The following ST3GAL3 variants were observed in gnomAD, a reference collection of about 807,000 sequenced individuals.
ST3GAL3 encodes CMP-N-acetylneuraminate-beta-1,4-galactoside alpha-2,3-sialyltransferase.
A neutral mutation model predicts 50.1 loss-of-function variants in ST3GAL3; 21 were observed. The ratio of observed to expected loss-of-function variants is 0.42; its 90% CI spans 0.30 to 0.60. The LOEUF is 0.60. Among genes scored for constraint, ST3GAL3 ranks in the 20% least tolerant of loss-of-function variants. The probability of loss-of-function intolerance (pLI) is 0.19; values close to 1 mark genes in which losing one functional copy is unlikely to be tolerated. For missense variants in ST3GAL3, 353 were observed against 489.4 expected, an observed-to-expected ratio of 0.72 and a Z score of 2.63; for synonymous variants, 183 against 190.0, an observed-to-expected ratio of 0.96 and a Z score of 0.30.
At chr1:43,900,284 A>G (rs909916242) in intron 9 of ST3GAL3, among the ~76,000 whole-genome samples, 5 of 152,112 alleles carry the variant, frequency 3.3e-5, no homozygotes, top group African/African-American at 1.2e-4. Context: ...TCCACTTTGT[A>G]CTTTTACCAC....
intron 5 of ST3GAL3, among the ~76,000 whole-genome samples, chr1:43,852,455 A>G (rs920728455): frequency 2.0e-5 from 3 of 152,220 alleles, no homozygotes; most frequent in Admixed American, 6.5e-5. Context: ...TATTGTGTAT[A>G]TAACTATTGG....
At chr1:43,709,262 A>G (rs1232915218) in intron 1 of ST3GAL3, 1 of 152,272 alleles carries the variant, frequency 6.6e-6, no homozygotes, top group Non-Finnish European at 1.5e-5. Flanking sequence ...GGTTGATGGC[A>G]TTAATCCAAG....
chr1:43,826,897 A>G (rs1319839341), intron 4 of ST3GAL3, among the ~76,000 whole-genome samples: 1 of 152,210 alleles, frequency 6.6e-6, no homozygotes, highest in Admixed American at 6.5e-5. Context: ...TCCAATACCT[A>G]TTCATGATTT....
In ST3GAL3 at chr1:43,866,340, G is replaced by T. The variant is rs538501925; in HGVS notation, c.302+28029G>T. ...ACACCTGTAATCCCTGCACTATAAGGCTGAGGCAGGCCGATCACTTGAGCC... is the reference window on the plus strand; with the variant it reads ...ACACCTGTAATCCCTGCACTATAAGTCTGAGGCAGGCCGATCACTTGAGCC... On this transcript the variant is annotated intron_variant, in intron 5 of 11. Transcript: ENST00000347631. Among the ~76,000 whole-genome samples, 5 of 152,224 alleles carry T rather than the reference G, an allele frequency of 3.3e-5. No individual in the cohort carries two copies. In the East Asian group the frequency reaches 7.7e-4, roughly 24 times the overall value.
chr1:43,746,173 A>G (rs552496818), intron 2 of ST3GAL3, among the ~76,000 whole-genome samples: 2 of 152,334 alleles, frequency 1.3e-5, no homozygotes, highest in South Asian at 2.1e-4. Flanking sequence ...ATTTTGACAC[A>G]TGCTGCAGCA....
intron 1 of ST3GAL3, among the ~76,000 whole-genome samples, chr1:43,724,008 T>G (rs16831096): frequency 6.6e-6 from 1 of 152,160 alleles, no homozygotes; most frequent in Non-Finnish European, 1.5e-5. Flanking sequence ...TGGGGATATC[T>G]GCAGAATGAG....
chr1:43,903,851 C>T (rs925759191), intron 9 of ST3GAL3, among the ~76,000 whole-genome samples: 1 of 152,154 alleles, frequency 6.6e-6, no homozygotes, highest in Non-Finnish European at 1.5e-5. Flanking sequence ...GGCACATCAC[C>T]TAACCTCCTT....
At chr1:43,791,421 T>TGAA (rs2058066908) in intron 2 of ST3GAL3, among the ~76,000 whole-genome samples, 1 of 107,186 alleles carries the variant, frequency 9.3e-6, no homozygotes, top group African/African-American at 4.1e-5. Context: ...GGACATTTGA[T>TGAA]TGAATGAATG....
At chr1:43,893,978 A>G (rs1033240679) in intron 5 of ST3GAL3, among the ~76,000 whole-genome samples, 2 of 152,070 alleles carry the variant, frequency 1.3e-5, no homozygotes, top group African/African-American at 4.8e-5. Flanking sequence ...TACTGGCTGT[A>G]TTTTTGGATA....
At chr1:43,748,144 A>G (rs566546760) in intron 2 of ST3GAL3, among the ~76,000 whole-genome samples, 19 of 152,264 alleles carry the variant, frequency 1.2e-4, no homozygotes, top group African/African-American at 4.6e-4. Flanking sequence ...ATTTCTTACT[A>G]TATAACAATA....
chr1:43,854,208 A>G (rs919380693), intron 5 of ST3GAL3, among the ~76,000 whole-genome samples: 5 of 152,154 alleles, frequency 3.3e-5, no homozygotes, highest in African/African-American at 1.2e-4. Flanking sequence ...CCCTACCAGG[A>G]ATATGCAAGA....
intron 1 of ST3GAL3, among the ~76,000 whole-genome samples, chr1:43,711,985 C>G (rs541502940): frequency 6.6e-6 from 1 of 152,288 alleles, no homozygotes; most frequent in African/African-American, 2.4e-5. Flanking sequence ...GGAGGTTTCA[C>G]TTTTGACAGA....
At chr1:43,773,364 C>G (rs1340459225) in intron 2 of ST3GAL3, among the ~76,000 whole-genome samples, 3 of 152,202 alleles carry the variant, frequency 2.0e-5, no homozygotes, top group South Asian at 2.1e-4. Flanking sequence ...ACTACATGCT[C>G]TGGTCCCAGG....
chr1:43,873,575 A>G (rs56352589), intron 5 of ST3GAL3, among the ~76,000 whole-genome samples: 1 of 152,060 alleles, frequency 6.6e-6, no homozygotes. Flanking sequence ...ACCTGAGGCC[A>G]GGGGTTTGAG....
chr1:43,771,602 C>T (rs1228408184), intron 2 of ST3GAL3, among the ~76,000 whole-genome samples: 1 of 152,138 alleles, frequency 6.6e-6, no homozygotes, highest in Non-Finnish European at 1.5e-5. Flanking sequence ...TGTGATCTGC[C>T]CGCCTCGGCC....
intron 9 of ST3GAL3, chr1:43,919,990 C>A: frequency 2.9e-6 from 1 of 342,226 alleles, no homozygotes; most frequent in Admixed American, 3.9e-5. Flanking sequence ...GAAGTGGGAG[C>A]ACAGGAGGGC....
At chr1:43,877,387 T>G (rs564444224) in intron 5 of ST3GAL3, among the ~76,000 whole-genome samples, 1 of 152,202 alleles carries the variant, frequency 6.6e-6, no homozygotes, top group South Asian at 2.1e-4. Context: ...CTCACCCTTC[T>G]CACTTCCCTG....
At chr1:43,793,799 C>T (rs1262356835) in intron 3 of ST3GAL3, among the ~76,000 whole-genome samples, 1 of 152,130 alleles carries the variant, frequency 6.6e-6, no homozygotes. Context: ...AAAAGGCAGG[C>T]TGGATGGGCA....
Position 43,764,058 on chromosome 1 carries a change from T to C in ST3GAL3, c.118+27678T>C, listed in dbSNP as rs369253019. Among the ~76,000 whole-genome samples the C allele has an allele frequency of 5.7e-4, 84 of 148,594 alleles. 1 individual carries two copies. The highest frequency in any genetic ancestry group is 1.9e-3 in the African/African-American group (77 of 40,216). On this transcript the variant is annotated intron_variant, in intron 2 of 11. Coordinates refer to ENST00000347631, the MANE Select transcript of ST3GAL3 (RefSeq NM_006279.5). ...GTGTAGAGCTCTTAGCACTGTGTTGTGAACACTCAGAAAGTAACTGCTATA... is the reference window on the plus strand; with the variant it reads ...GTGTAGAGCTCTTAGCACTGTGTTGCGAACACTCAGAAAGTAACTGCTATA...
Sources: allele counts gnomAD v4.1 joint callset (sites outside exome capture counted in the v4.1 genomes callset), GRCh38; gene constraint gnomAD v4.1.1; transcripts MANE v1.5; gene names NCBI Gene and HGNC (gene_info 2026-07-23, HGNC 2026-07-21).